UBL3: variants seen among roughly 807,000 people sequenced by gnomAD.
The protein encoded by UBL3 is ubiquitin like 3.
A neutral mutation model predicts 18.4 loss-of-function variants in UBL3; 6 were observed. The ratio of observed to expected loss-of-function variants is 0.33; its 90% CI spans 0.18 to 0.64. The LOEUF is 0.64. Among genes scored for constraint, UBL3 ranks in the 30% least tolerant of loss-of-function variants. The pLI, the probability that UBL3 is intolerant of heterozygous loss-of-function variation, is 0.76. For missense variants in UBL3, 109 were observed against 142.9 expected (o/e 0.76, Z 1.21); for synonymous variants, 49 against 46.6 (o/e 1.05, Z -0.21).
chr13:29,835,144 ATATATATAT>A (rs1566001113), intron 1 of UBL3, among the ~76,000 whole-genome samples: 14 of 15,010 alleles, frequency 9.3e-4, no homozygotes, highest in South Asian at 2.4e-3. Flanking sequence ...ATATATATAT[ATATATATAT>A]ATATATATAT....
At chr13:29,797,731 T>C (rs575196312) in intron 1 of UBL3, among the ~76,000 whole-genome samples, 1 of 152,232 alleles carries the variant, frequency 6.6e-6, no homozygotes, top group South Asian at 2.1e-4. Context: ...AATGTAAGGG[T>C]TAATAAGATT....
Position 29,821,405 on chromosome 13 carries a change from G to A in UBL3, c.27+28107C>T, listed in dbSNP as rs74044757. Among the ~76,000 whole-genome samples, 1,184 of 152,200 alleles carry A rather than the reference G, an allele frequency of 7.8e-3. 9 individuals carry two copies. The highest frequency in any genetic ancestry group is 9.3e-3 in the Non-Finnish European group (633 of 67,988). Reference sequence around the variant, plus strand: ...TCTTTATTTTTTACAGCTGTACTGCGTCATGTCATAGTAATCACAACTCTT... The same window carrying A: ...TCTTTATTTTTTACAGCTGTACTGCATCATGTCATAGTAATCACAACTCTT... On this transcript the variant is annotated intron_variant, in intron 1 of 4. Transcript: ENST00000380680.
At position 29,766,038 on chromosome 13, in the gene UBL3, T is replaced by C. The variant is rs1016115585; in HGVS notation, c.*1217A>G. The C allele has an allele frequency of 1.3e-5, 2 of 152,566 alleles. No individual in the cohort carries two copies. The highest frequency in any genetic ancestry group is 2.4e-5 in the African/African-American group (1 of 41,438). The allele number at this position is 152,566 out of a possible 1,614,324, so 9.5% of individuals were successfully genotyped here. ...TTTATTAAATATATTCTACACATAT[T>C]TGTAATTTCATCCAGGAAGAATTTC... is the stretch of plus-strand genomic sequence containing the variant. On this transcript the variant is annotated 3_prime_UTR_variant, in exon 5 of 5. Transcript: ENST00000380680.
At chr13:29,830,436 G>A (rs1245670959) in intron 1 of UBL3, among the ~76,000 whole-genome samples, 2 of 152,224 alleles carry the variant, frequency 1.3e-5, no homozygotes, top group Non-Finnish European at 2.9e-5. Flanking sequence ...AAGGTAGACA[G>A]TACTTTGGGG....
chr13:29,822,634 C>A (rs1265326084), intron 1 of UBL3, among the ~76,000 whole-genome samples: 1 of 152,176 alleles, frequency 6.6e-6, no homozygotes, highest in East Asian at 1.9e-4. Context: ...AACTACTGGG[C>A]TCAAGTGATC....
Position 29,801,429 on chromosome 13 carries a change from C to CT in UBL3, c.28-24167dup, listed in dbSNP as rs917492296. 2.0e-4 allele frequency among the ~76,000 whole-genome samples: 30 copies of CT among 152,308 alleles called. 1 individual carries two copies. The highest frequency in any genetic ancestry group is 7.2e-4 in the African/African-American group (30 of 41,574). Reference sequence around the variant, plus strand: ...GAAGAGCCTGAGAGCTTTATTCACACTTAAAGCATGACAGTCATTGTACAG... The same window carrying CT: ...GAAGAGCCTGAGAGCTTTATTCACACTTTAAAGCATGACAGTCATTGTACAG... On this transcript the variant is annotated intron_variant, in intron 1 of 4. Coordinates refer to ENST00000380680, the MANE Select transcript of UBL3 (RefSeq NM_007106.4).
At chr13:29,848,308 T>G (rs1206480104) in intron 1 of UBL3, among the ~76,000 whole-genome samples, 220 of 67,728 alleles carry the variant, frequency 3.2e-3, no homozygotes, top group Non-Finnish European at 5.1e-3. Flanking sequence ...AAAAAAAAAA[T>G]TAGCCAGGTG....
intron 2 of UBL3, among the ~76,000 whole-genome samples, chr13:29,776,261 C>CTTTTTTTT (rs5741722): frequency 1.1e-5 from 1 of 91,694 alleles, no homozygotes; most frequent in Non-Finnish European, 2.1e-5. Flanking sequence ...TCTTTTCTTT[C>CTTTTTTTT]TTTTTTTTTT....
At chr13:29,770,910 A>C (rs1254634089) in intron 3 of UBL3, among the ~76,000 whole-genome samples, 2 of 152,182 alleles carry the variant, frequency 1.3e-5, no homozygotes, top group East Asian at 1.9e-4. Flanking sequence ...ACCAGTTATA[A>C]TACTACCAGT....
rs533114454 is a variant in UBL3, at chr13:29,799,263, C to T, written c.28-22000G>A. 4.5e-4 allele frequency among the ~76,000 whole-genome samples: 69 copies of T among 152,320 alleles called. No homozygotes were observed. In the South Asian group the frequency reaches 7.7e-3, roughly 17 times the overall value. The stretch of plus-strand genomic sequence containing the variant: ...AATAAAAAAAAGTATGCAGACATTG[C>T]CAAATGTCTCCTAGGGGGCAAAATT... On this transcript the variant is annotated intron_variant, in intron 1 of 4. Transcript: ENST00000380680.
intron 1 of UBL3, among the ~76,000 whole-genome samples, chr13:29,821,702 T>C (rs1360143205): frequency 6.6e-6 from 1 of 152,220 alleles, no homozygotes; most frequent in African/African-American, 2.4e-5. Flanking sequence ...AAAAATCTTT[T>C]ATTTGCTTTA....
intron 1 of UBL3, among the ~76,000 whole-genome samples, chr13:29,780,580 C>T (rs1283624834): frequency 6.6e-6 from 1 of 151,582 alleles, no homozygotes; most frequent in East Asian, 1.9e-4. Flanking sequence ...CTTGTTTATT[C>T]AAGTTTCGTT....
intron 1 of UBL3, among the ~76,000 whole-genome samples, chr13:29,816,864 C>T (rs532610974): frequency 3.1e-4 from 46 of 147,926 alleles, no homozygotes; most frequent in Non-Finnish European, 5.7e-4. Flanking sequence ...ATTTTTATTG[C>T]TTGGAGACAT....
At chr13:29,814,849 C>T (rs1306225429) in intron 1 of UBL3, among the ~76,000 whole-genome samples, 1 of 152,076 alleles carries the variant, frequency 6.6e-6, no homozygotes, top group African/African-American at 2.4e-5. Flanking sequence ...AGAAAGCTGC[C>T]TGGTTCAGAA....
chr13:29,827,615 G>A (rs887627065), intron 1 of UBL3, among the ~76,000 whole-genome samples: 1 of 152,174 alleles, frequency 6.6e-6, no homozygotes, highest in East Asian at 1.9e-4. Flanking sequence ...CACACTGATG[G>A]GTCTTGACTC....
chr13:29,782,580 CT>C (rs1047904851), intron 1 of UBL3, among the ~76,000 whole-genome samples: 3 of 152,276 alleles, frequency 2.0e-5, no homozygotes, highest in East Asian at 1.9e-4. Context: ...CTTACTCCCC[CT>C]GGCCTGCTTC....
At position 29,850,316 on chromosome 13, in the gene UBL3, G is replaced by C. The variant is rs1037040877; in HGVS notation, c.-778C>G. On this transcript the variant is annotated 5_prime_UTR_variant, in exon 1 of 5. Transcript: ENST00000380680. ...ACAGCAGCTGGGGTCGGGGCGCATC[G>C]TCTCCGGCTCCTCGCCACTCCTCTT... 1 of 153,546 alleles carries C rather than the reference G, an allele frequency of 6.5e-6. No individual in the cohort carries two copies. The highest frequency in any genetic ancestry group is 1.5e-5 in the Non-Finnish European group (1 of 68,496). The allele number at this position is 153,546 out of a possible 1,614,324, so 9.5% of individuals were successfully genotyped here.
rs771952984 is a variant in UBL3, at chr13:29,767,598, T to C, written c.301+20A>G. ...TGTCTTTGTGCCTCAACTGAGATAC[T>C]TTTCCAGTGCATGGCTTACCTTGAG... On this transcript the variant is annotated intron_variant, in intron 4 of 4. Transcript: ENST00000380680. 4.3e-6 allele frequency: 7 copies of C among 1,610,034 alleles called. No individual in the cohort carries two copies. The highest frequency in any genetic ancestry group is 1.6e-4 in the Middle Eastern group (1 of 6,066).
chr13:29,781,740 T>C (rs897681669), intron 1 of UBL3, among the ~76,000 whole-genome samples: 2 of 151,108 alleles, frequency 1.3e-5, no homozygotes, highest in African/African-American at 2.4e-5. Flanking sequence ...TCTCAGCACT[T>C]TGGGAGACTG....
Sources: allele counts gnomAD v4.1 joint callset (sites outside exome capture counted in the v4.1 genomes callset), GRCh38; gene constraint gnomAD v4.1.1; transcripts MANE v1.5; gene names NCBI Gene and HGNC (gene_info 2026-07-23, HGNC 2026-07-21).